CTPS1: variants seen among roughly 807,000 people sequenced by gnomAD.
CTPS1 encodes CTP synthetase 1.
In CTPS1, 25 loss-of-function variants were observed where a neutral mutation model predicts 80.5. The observed-to-expected ratio is 0.31, with a 90% CI of 0.23 to 0.43. CTPS1 has a LOEUF of 0.43. Among genes scored for constraint, CTPS1 ranks in the 20% least tolerant of loss-of-function variants. The pLI is 1.00. For missense variants in CTPS1, 442 were observed against 725.7 expected (o/e 0.61, Z 4.49); for synonymous variants, 267 against 252.5 (o/e 1.06, Z -0.54).
intron 13 of CTPS1, among the ~76,000 whole-genome samples, chr1:41,006,868 T>C (rs1200084056): frequency 6.6e-6 from 1 of 152,222 alleles, no homozygotes; most frequent in African/African-American, 2.4e-5. Context: ...AATTGAACTT[T>C]GCTGATACTA....
chr1:40,991,571 T>C (rs1185473235), intron 6 of CTPS1, among the ~76,000 whole-genome samples, 194 bp from the exon 7 acceptor site: 2 of 152,226 alleles, frequency 1.3e-5, no homozygotes, highest in Non-Finnish European at 1.5e-5. Context: ...TCTCTTATGT[T>C]TCTCCAGTTT....
chr1:40,993,117 C>G lies in CTPS1; in HGVS notation c.720+1272C>G, dbSNP rs575967790. Among the ~76,000 whole-genome samples the G allele has an allele frequency of 2.0e-5, 3 of 152,118 alleles. No individual in the cohort carries two copies. In the South Asian group the frequency reaches 6.2e-4, roughly 32 times the overall value. The stretch of plus-strand genomic sequence containing the variant: ...CCAGGCTGGAGTGAAGTGGAGCAAT[C>G]TCAGCTCAGTGGAACCTCCACCTGC... On this transcript the variant is annotated intron_variant, in intron 7 of 18. Coordinates refer to ENST00000650070, the MANE Select transcript of CTPS1 (RefSeq NM_001905.4).
At position 41,001,056 on chromosome 1, in the gene CTPS1, A is replaced by G; in HGVS notation, c.1033A>G (p.Ile345Val). The change falls in exon 10 of 19, where the codon ATC (isoleucine) becomes GTC (valine). Residue 345 changes from isoleucine to valine, a missense_variant. Ile to Val is a conservative substitution (Grantham distance 29). Coordinates refer to ENST00000650070, the MANE Select transcript of CTPS1 (RefSeq NM_001905.4). Reference sequence around the variant, plus strand: ...CATAGATTCTGCGGACTTGGAGCCCATCACCTCGCAAGAAGAGCCCGTGCG... The same window carrying G: ...CATAGATTCTGCGGACTTGGAGCCCGTCACCTCGCAAGAAGAGCCCGTGCG... The part of the protein sequence containing the change: ...KYIDSADLEP[I>V]TSQEEPVRYH... The G allele has an allele frequency of 6.2e-7, 1 of 1,612,448 alleles. No homozygotes were observed. Among genetic ancestry groups the G allele is most frequent in the Non-Finnish European group, 8.5e-7 (1 of 1,179,408 alleles).
intron 9 of CTPS1, among the ~76,000 whole-genome samples, chr1:41,000,499 C>A (rs1191956999): frequency 6.6e-6 from 1 of 151,782 alleles, no homozygotes; most frequent in African/African-American, 2.4e-5. Flanking sequence ...GTGATCCACC[C>A]GCCTCGGCCT....
At chr1:40,984,168 T>C (rs1238257214) in intron 2 of CTPS1, among the ~76,000 whole-genome samples, 1 of 152,236 alleles carries the variant, frequency 6.6e-6, no homozygotes, top group Non-Finnish European at 1.5e-5. Context: ...TACAGAATTC[T>C]TGAGCAGAGG....
chr1:40,999,036 G>A (rs1403947868), intron 9 of CTPS1, among the ~76,000 whole-genome samples: 1 of 152,156 alleles, frequency 6.6e-6, no homozygotes, highest in African/African-American at 2.4e-5. Flanking sequence ...AAAAGGCAAC[G>A]GTCTCCGCCT....
chr1:41,010,710 A>C (rs1358930290), intron 18 of CTPS1, among the ~76,000 whole-genome samples: 1 of 152,214 alleles, frequency 6.6e-6, no homozygotes, highest in Non-Finnish European at 1.5e-5. Context: ...ATCAGGAAGT[A>C]CTTTAAAACT....
chr1:40,997,655 A>T, intron 9 of CTPS1, 129 bp downstream of exon 9: 1 of 1,173,008 alleles, frequency 8.5e-7, no homozygotes, highest in African/African-American at 1.6e-5. Flanking sequence ...CTTTTTAAGG[A>T]TTAAAAAGAT....
At chr1:41,004,457 T>C (rs1170143741) in intron 12 of CTPS1, among the ~76,000 whole-genome samples, 4 of 152,160 alleles carry the variant, frequency 2.6e-5, no homozygotes, top group African/African-American at 9.7e-5. Flanking sequence ...AGAGCTGGCT[T>C]TCTGGTCTCC....
intron 17 of CTPS1, 84 bp downstream of exon 17, chr1:41,009,673 A>T: frequency 6.6e-7 from 1 of 1,517,686 alleles, no homozygotes; most frequent in South Asian, 1.2e-5. Context: ...AACACGTCAC[A>T]GTCAGTCATA....
In CTPS1 at chr1:41,007,343, G is replaced by T. The variant is rs1450726298; in HGVS notation, c.1297-106G>T. 1.1e-6 allele frequency: 1 copy of T among 903,392 alleles called. No individual in the cohort carries two copies. The highest frequency in any genetic ancestry group is 1.8e-6 in the Non-Finnish European group (1 of 570,692). 56.0% of individuals were successfully genotyped at this position (903,392 alleles called of 1,614,324 possible). ...AAATGTCTCATAAGGAAAGCCTGGA[G>T]AATTAGAGCTTACTTACAAGCCTTT... is the stretch of plus-strand genomic sequence containing the variant. On this transcript the variant is annotated intron_variant, in intron 13 of 18. Transcript: ENST00000650070. This position sits in a 1 kb window ranked among gnomAD's most constrained non-coding sequence, Gnocchi z 4.4.
At chr1:40,998,826 G>A (rs1005823520) in intron 9 of CTPS1, among the ~76,000 whole-genome samples, 1 of 152,184 alleles carries the variant, frequency 6.6e-6, no homozygotes, top group Non-Finnish European at 1.5e-5. Flanking sequence ...GTTTCTCAGC[G>A]TGAGAGTTTA....
intron 5 of CTPS1, among the ~76,000 whole-genome samples, chr1:40,989,779 G>GA (rs1164214577): frequency 6.6e-6 from 1 of 152,158 alleles, no homozygotes; most frequent in East Asian, 1.9e-4. Context: ...CGTTAGGTAA[G>GA]AACTGGATGC....
At chr1:41,005,699 G>A (rs556389809) in intron 12 of CTPS1, among the ~76,000 whole-genome samples, 1 of 152,116 alleles carries the variant, frequency 6.6e-6, no homozygotes, top group Admixed American at 6.6e-5. Context: ...TTGAGCCCAG[G>A]TGTTTGAGAC....
At chr1:40,983,684 G>A (rs1009788678) in intron 2 of CTPS1, among the ~76,000 whole-genome samples, 7 of 149,094 alleles carry the variant, frequency 4.7e-5, no homozygotes, top group African/African-American at 1.7e-4. Flanking sequence ...GTGTAGTGGT[G>A]TGATCATGGC....
chr1:41,008,980 T>A (rs914350469), intron 16 of CTPS1, 90 bp downstream of exon 16: 4 of 1,037,722 alleles, frequency 3.9e-6, no homozygotes. Flanking sequence ...TTGTTGCTCC[T>A]GACCTAACAG....
At chr1:40,981,320 A>G (rs1270803062) in intron 1 of CTPS1, 1 of 152,268 alleles carries the variant, frequency 6.6e-6, no homozygotes, top group African/African-American at 2.4e-5. Flanking sequence ...CTGAGACTGC[A>G]AGAATCTAAA....
At chr1:40,995,374 A>C (rs1642724033) in intron 7 of CTPS1, among the ~76,000 whole-genome samples, 1 of 146,564 alleles carries the variant, frequency 6.8e-6, no homozygotes, top group Non-Finnish European at 1.5e-5. Flanking sequence ...ACATGCCACC[A>C]CACCCAGCTA....
chr1:41,006,010 C>G (rs150606206), intron 12 of CTPS1, 41 bp from the exon 13 acceptor site: 4 of 1,510,086 alleles, frequency 2.6e-6, no homozygotes, highest in Non-Finnish European at 2.8e-6. Context: ...TAATCACTTT[C>G]GTTTGTAACT....
Sources: gnomAD v4.1 joint callset for allele counts (sites outside exome capture counted in the v4.1 genomes callset) on GRCh38, gnomAD v4.1.1 for gene constraint, Gnocchi (gnomAD v3.1) non-coding constraint, MANE v1.5 for transcripts, NCBI Gene and HGNC (gene_info 2026-07-23, HGNC 2026-07-21) for gene names.